Variants in TSG101 observed in about 807,000 individuals in gnomAD.
TSG101 encodes the protein tumor susceptibility gene 101 protein.
In TSG101, 19 loss-of-function variants were observed where a neutral mutation model predicts 48.5. The ratio of observed to expected loss-of-function variants is 0.39; its 90% CI spans 0.27 to 0.58. The LOEUF is 0.58. Ranked by LOEUF, TSG101 falls within the 20% of genes least tolerant of loss-of-function variation. The pLI is 0.55. For synonymous variants in TSG101, 174 were observed against 169.4 expected (o/e 1.03, Z -0.21); for missense variants, 365 against 484.4 (o/e 0.75, Z 2.31).
At chr11:18,496,288 CAAA>C (rs1427766116) in intron 7 of TSG101, among the ~76,000 whole-genome samples, 2 of 151,278 alleles carry the variant, frequency 1.3e-5, no homozygotes, top group East Asian at 3.9e-4. Context: ...ATACAAAATA[CAAA>C]AATTAGTGGG....
intron 2 of TSG101, among the ~76,000 whole-genome samples, chr11:18,518,866 C>T (rs1850221696): frequency 6.6e-6 from 1 of 152,230 alleles, no homozygotes; most frequent in Non-Finnish European, 1.5e-5. Flanking sequence ...GTTGCTCAAG[C>T]TTAACTATAG....
chr11:18,487,276 A>G (rs1163447801), intron 7 of TSG101, among the ~76,000 whole-genome samples: 2 of 150,218 alleles, frequency 1.3e-5, no homozygotes, highest in African/African-American at 2.5e-5. Flanking sequence ...AAAAAAAAAG[A>G]AAAAAAAATT....
chr11:18,517,490 T>C (rs867473101), intron 2 of TSG101, among the ~76,000 whole-genome samples: 1 of 152,194 alleles, frequency 6.6e-6, no homozygotes, highest in African/African-American at 2.4e-5. Context: ...TACAAAAACA[T>C]AGAACTATAG....
At chr11:18,519,193 C>T (rs745808574) in intron 2 of TSG101, among the ~76,000 whole-genome samples, 1 of 151,842 alleles carries the variant, frequency 6.6e-6, no homozygotes, top group African/African-American at 2.4e-5. Context: ...TTTGTTGAGA[C>T]GAGGTTTCAC....
At chr11:18,519,963 C>A (rs753573983) in intron 1 of TSG101, among the ~76,000 whole-genome samples, 8 of 152,070 alleles carry the variant, frequency 5.3e-5, no homozygotes, top group Admixed American at 1.3e-4. Context: ...GAGTATAGTT[C>A]AATGGTTTTT....
At chr11:18,481,238 T>TA in intron 9 of TSG101, 1 of 973,704 alleles carries the variant, frequency 1.0e-6, no homozygotes, top group South Asian at 4.8e-5. Context: ...AAAACTGGTC[T>TA]AAAGTTATAT....
At chr11:18,501,707 T>C (rs1211033767) in intron 7 of TSG101, among the ~76,000 whole-genome samples, 2 of 152,230 alleles carry the variant, frequency 1.3e-5, no homozygotes, top group Admixed American at 6.5e-5. Context: ...TTGGGTAATA[T>C]AGTCATTTTT....
At chr11:18,519,063 C>T (rs1040866822) in intron 2 of TSG101, among the ~76,000 whole-genome samples, 5 of 152,010 alleles carry the variant, frequency 3.3e-5, no homozygotes, top group African/African-American at 1.2e-4. Context: ...TGCAGTGGCC[C>T]GATCTCGGCT....
In TSG101 at chr11:18,506,309, T is replaced by C. The variant is rs563868959; in HGVS notation, c.548+548A>G. On this transcript the variant is annotated intron_variant, in intron 6 of 9. Transcript: ENST00000251968. ...TTTTAAGAAATTTGTATATCTAGTA[T>C]AGATAGCTGAAATATTAAATGGAAT... is the stretch of plus-strand genomic sequence containing the variant. Among the ~76,000 whole-genome samples the C allele has an allele frequency of 3.3e-5, 5 of 151,734 alleles. No individual in the cohort carries two copies. The South Asian group carries it at 8.3e-4, about 25-fold the overall frequency.
At chr11:18,482,979 C>T (rs1849564582) in intron 8 of TSG101, among the ~76,000 whole-genome samples, 5 of 152,126 alleles carry the variant, frequency 3.3e-5, no homozygotes. Context: ...GCTGTGTCCC[C>T]ACCCAAATCT....
chr11:18,506,778 C>T (rs1590281770), intron 6 of TSG101, 79 bp downstream of exon 6: 2 of 1,202,506 alleles, frequency 1.7e-6, no homozygotes, highest in Non-Finnish European at 1.2e-6. Context: ...TTTTAATGCC[C>T]TAATTAGCAA....
Position 18,509,656 on chromosome 11 carries a change from CT to C in TSG101, c.366del (p.Asp123ThrfsTer9). 2.5e-6 allele frequency: 4 copies of C among 1,586,166 alleles called. No homozygotes were observed. The highest frequency in any genetic ancestry group is 3.4e-6 in the Non-Finnish European group (4 of 1,165,284). ...ATGACCTGAATAAGCCCCAACAAGT[CT>C]GACTGTGGCTACAAAATGAAAAAAA... is the stretch of plus-strand genomic sequence containing the variant. ...PYLHEWKHPQSDLLGLIQVMI... is the reference protein window; with the variant it reads ...PYLHEWKHPQXDLLGLIQVMI... On this transcript the variant is annotated frameshift_variant, in exon 5 of 10. Transcript: ENST00000251968. LOFTEE classifies it high-confidence loss of function.
At chr11:18,493,753 G>A (rs1427563984) in intron 7 of TSG101, among the ~76,000 whole-genome samples, 4 of 152,288 alleles carry the variant, frequency 2.6e-5, no homozygotes, top group Middle Eastern at 3.4e-3. Context: ...TCTGAAGAAG[G>A]AAGAACATTT....
At chr11:18,514,959 A>T in intron 3 of TSG101, 118 bp from the exon 4 acceptor site, 1 of 909,360 alleles carries the variant, frequency 1.1e-6, no homozygotes, top group Non-Finnish European at 1.5e-6. Context: ...CATCCCCCCC[A>T]TTCCTATTTC....
chr11:18,493,301 T>C (rs779537489), intron 7 of TSG101, among the ~76,000 whole-genome samples: 6 of 152,210 alleles, frequency 3.9e-5, no homozygotes, highest in East Asian at 1.9e-4. Flanking sequence ...CAAAAATTCA[T>C]TGAATAATTT....
At chr11:18,517,960 AT>A (rs1850207669) in intron 2 of TSG101, among the ~76,000 whole-genome samples, 1 of 152,224 alleles carries the variant, frequency 6.6e-6, no homozygotes, top group Admixed American at 6.5e-5. Context: ...GTTAACAATG[AT>A]TTACACTTAG....
At chr11:18,496,841 A>C (rs1357894254) in intron 7 of TSG101, among the ~76,000 whole-genome samples, 1 of 152,184 alleles carries the variant, frequency 6.6e-6, no homozygotes, top group East Asian at 1.9e-4. Flanking sequence ...CTGTAATACC[A>C]GCACTTTGGT....
At chr11:18,515,002 C>T (rs1850148474) in intron 3 of TSG101, among the ~76,000 whole-genome samples, 161 bp from the exon 4 acceptor site, 1 of 152,088 alleles carries the variant, frequency 6.6e-6, no homozygotes, top group South Asian at 2.1e-4. Flanking sequence ...AGGGCAATAG[C>T]AAAGTCAGTA....
At chr11:18,503,080 G>T (rs1849914580) in intron 6 of TSG101, among the ~76,000 whole-genome samples, 1 of 151,688 alleles carries the variant, frequency 6.6e-6, no homozygotes, top group African/African-American at 2.4e-5. Context: ...CTCACTTTCT[G>T]GACAGTTTCT....
Sources: allele counts gnomAD v4.1 joint callset (sites outside exome capture counted in the v4.1 genomes callset), GRCh38; gene constraint gnomAD v4.1.1; transcripts MANE v1.5; gene names NCBI Gene and HGNC (gene_info 2026-07-23, HGNC 2026-07-21).